SLC22A25: variants seen among roughly 807,000 people sequenced by gnomAD.
The protein encoded by SLC22A25 is solute carrier family 22 member 25, also known as MGI:2442751, MGI:2385316, MGI:3042283, MGI:3645714, MGI:3605624, MGI:2442750.
Under a neutral mutation model 45.9 loss-of-function variants are expected in SLC22A25, and 44 were observed. That is an observed-to-expected ratio of 0.96 (90% CI 0.75 to 1.23). The LOEUF is 1.23. SLC22A25 is among the 50% of genes most tolerant of loss of function. The pLI is 0.00. For synonymous variants in SLC22A25, 283 were observed against 238.6 expected, an observed-to-expected ratio of 1.19 and a Z score of -1.72; for missense variants, 800 against 666.4, an observed-to-expected ratio of 1.20 and a Z score of -2.21.
At chr11:63,169,941 GA>G (rs1331016992) in intron 9 of SLC22A25, among the ~76,000 whole-genome samples, 1 of 152,090 alleles carries the variant, frequency 6.6e-6, no homozygotes, top group Non-Finnish European at 1.5e-5. Context: ...AAGTGCAAAA[GA>G]ACAGAAATCA....
At chr11:63,170,631 T>G (rs2087845591) in intron 9 of SLC22A25, among the ~76,000 whole-genome samples, 1 of 152,134 alleles carries the variant, frequency 6.6e-6, no homozygotes, top group African/African-American at 2.4e-5. Flanking sequence ...GTTGAATCCC[T>G]GAATAGACCA....
Position 63,228,478 on chromosome 11 carries a change from A to G in SLC22A25, c.489T>C (p.Tyr163=), listed in dbSNP as rs201388128. Residue 163 remains tyrosine, a synonymous_variant, in exon 5 of 12, where the codon TAT becomes TAC. Transcript: ENST00000306494. The part of the protein sequence containing the change: ...MAGMMVGGNL[Y]GHLSDRFGRK... ...ACACTCACCTGTCTGACAAATGGCC[A>G]TATAGGTTGCCTCCCACCATCATTC... 1.9e-6 allele frequency: 3 copies of G among 1,613,428 alleles called. No homozygotes were observed. Among genetic ancestry groups the G allele is most frequent in the East Asian group, 4.5e-5 (2 of 44,860 alleles).
At chr11:63,236,467 G>A (rs887049424) in intron 3 of SLC22A25, among the ~76,000 whole-genome samples, 2 of 152,190 alleles carry the variant, frequency 1.3e-5, no homozygotes, top group South Asian at 2.1e-4. Context: ...ATCTCCTGGT[G>A]TGCCGTTTGT....
rs535985868 is a variant in SLC22A25 at position 63,234,406 on chromosome 11, C to T, written c.-445+3475G>A. Among the ~76,000 whole-genome samples the T allele has an allele frequency of 7.9e-5, 12 of 151,942 alleles. No homozygotes were observed. In the East Asian group the frequency reaches 1.2e-3, roughly 15 times the overall value. ...CCATTATGTAATGGCCTTCTTTGTC[C>T]CTTTTGATCTTTGTTGGTTTAAAGT... On this transcript the variant is annotated intron_variant, in intron 3 of 11. Coordinates refer to ENST00000306494, the MANE Select transcript of SLC22A25 (RefSeq NM_199352.6).
intron 5 of SLC22A25, chr11:63,218,273 C>G: frequency 3.0e-6 from 1 of 330,670 alleles, no homozygotes; most frequent in Non-Finnish European, 5.9e-6. Flanking sequence ...ACAATGTCCT[C>G]AACTTATAAG....
intron 3 of SLC22A25, among the ~76,000 whole-genome samples, chr11:63,235,509 G>GAC (rs2090147760): frequency 6.6e-6 from 1 of 152,058 alleles, no homozygotes; most frequent in African/African-American, 2.4e-5. Flanking sequence ...GTCCTTTAAG[G>GAC]ACTTCTCTGC....
intron 7 of SLC22A25, among the ~76,000 whole-genome samples, chr11:63,190,394 A>G (rs966379175): frequency 6.6e-6 from 1 of 151,780 alleles, no homozygotes; most frequent in Non-Finnish European, 1.5e-5. Context: ...TTTCAGCTCC[A>G]TCAAGTCCTT....
At chr11:63,174,772 C>T (rs1255218294) in intron 9 of SLC22A25, among the ~76,000 whole-genome samples, 1 of 152,006 alleles carries the variant, frequency 6.6e-6, no homozygotes, top group Admixed American at 6.6e-5. Context: ...CACTTTATGC[C>T]CATTAAATGG....
intron 7 of SLC22A25, among the ~76,000 whole-genome samples, chr11:63,184,995 C>A (rs1372200148): frequency 6.6e-6 from 1 of 152,022 alleles, no homozygotes; most frequent in Non-Finnish European, 1.5e-5. Flanking sequence ...TACACTGTAA[C>A]CCAATGCAAG....
intron 4 of SLC22A25, 116 bp downstream of exon 4, chr11:63,229,135 T>C: frequency 9.0e-7 from 1 of 1,107,898 alleles, no homozygotes; most frequent in Non-Finnish European, 1.2e-6. Flanking sequence ...TAATGTTTCC[T>C]GAAAGAATGA....
intron 7 of SLC22A25, among the ~76,000 whole-genome samples, chr11:63,191,639 A>G (rs1313580946): frequency 1.3e-5 from 2 of 152,228 alleles, no homozygotes; most frequent in Middle Eastern, 3.4e-3. Context: ...TGTGTTGCTC[A>G]CACTGGGAAC....
rs2087675186 is a variant in SLC22A25, at chr11:63,166,164, T to G, written c.1165A>C (p.Thr389Pro). 1.2e-6 allele frequency: 2 copies of G among 1,613,788 alleles called. No individual in the cohort carries two copies. The highest frequency in any genetic ancestry group is 2.7e-5 in the African/African-American group (2 of 74,862). ...FLLQTLFGAV[T>P]LLANCVAPWA... ...GGTGCAACACAATTGGCCAGGAGGG[T>G]GACTGCACCAAAGAGAGTCTGCAAC... The change falls in exon 10 of 12, where the codon ACC (threonine) becomes CCC (proline). Residue 389 changes from threonine (T) to proline (P), a missense_variant. Physicochemically the swap from Thr to Pro is conservative, Grantham distance 38. Coordinates refer to ENST00000306494, the MANE Select transcript of SLC22A25 (RefSeq NM_199352.6).
rs113967940 is a variant in SLC22A25 at position 63,214,897 on chromosome 11, A to G, written c.830+2417T>C. ...AACAATCCCACAACAATCTCACATC[A>G]GTTAGAATGGCAATCATTAAAAAGT... On this transcript the variant is annotated intron_variant, in intron 7 of 11. Transcript: ENST00000306494. Among the ~76,000 whole-genome samples, 576 of 152,292 alleles carry G rather than the reference A, an allele frequency of 3.8e-3. 2 individuals carry two copies. Among genetic ancestry groups the G allele is most frequent in the Non-Finnish European group, 6.3e-3 (430 of 68,038 alleles).
intron 9 of SLC22A25, among the ~76,000 whole-genome samples, chr11:63,171,646 A>G (rs1308493510): frequency 6.6e-6 from 1 of 152,244 alleles, no homozygotes; most frequent in Non-Finnish European, 1.5e-5. Context: ...CCACTGCACA[A>G]GGAAATAAGA....
intron 7 of SLC22A25, among the ~76,000 whole-genome samples, chr11:63,207,857 T>C (rs1332005641): frequency 1.3e-5 from 2 of 152,208 alleles, no homozygotes; most frequent in Non-Finnish European, 2.9e-5. Context: ...TCTTAATTAA[T>C]TGAATAACTG....
chr11:63,216,241 C>A (rs567931758), intron 7 of SLC22A25, among the ~76,000 whole-genome samples: 2 of 152,068 alleles, frequency 1.3e-5, no homozygotes, highest in Admixed American at 6.6e-5. Context: ...GGCTAGGTTG[C>A]GGAGAAAAAG....
intron 2 of SLC22A25, among the ~76,000 whole-genome samples, 152 bp downstream of exon 2, chr11:63,238,565 G>A (rs2090200838): frequency 2.0e-5 from 3 of 152,188 alleles, no homozygotes; most frequent in Admixed American, 6.5e-5. Context: ...AAATGCATAG[G>A]GGTCTGGTAT....
intron 9 of SLC22A25, among the ~76,000 whole-genome samples, chr11:63,170,901 T>G (rs1487792940): frequency 6.6e-6 from 1 of 152,090 alleles, no homozygotes; most frequent in Non-Finnish European, 1.5e-5. Context: ...TGAACATCAA[T>G]GCAAAAATCC....
intron 9 of SLC22A25, among the ~76,000 whole-genome samples, chr11:63,180,150 A>G (rs1459731313): frequency 2.6e-5 from 4 of 152,042 alleles, no homozygotes; most frequent in Admixed American, 2.0e-4. Context: ...TCATAGAAGT[A>G]TTTTTGTCCA....
Sources: allele counts gnomAD v4.1 joint callset (sites outside exome capture counted in the v4.1 genomes callset), GRCh38; gene constraint gnomAD v4.1.1; transcripts MANE v1.5; gene names NCBI Gene and HGNC (gene_info 2026-07-23, HGNC 2026-07-21).